ASAP1: variants seen among roughly 807,000 people sequenced by gnomAD.
ASAP1 encodes the protein ArfGAP with SH3 domain, ankyrin repeat and PH domain 1.
ASAP1 carries 43 observed loss-of-function variants against 145.2 expected under a neutral mutation model. The observed-to-expected ratio is 0.30, with a 90% CI of 0.23 to 0.38. ASAP1 has a LOEUF of 0.38. Ranked by LOEUF, ASAP1 falls within the 10% of genes least tolerant of loss-of-function variation. ASAP1 has a pLI of 1.00. For synonymous variants in ASAP1, 546 were observed against 515.5 expected, an observed-to-expected ratio of 1.06 and a Z score of -0.80; for missense variants, 1,018 against 1,355.3, an observed-to-expected ratio of 0.75 and a Z score of 3.91.
intron 3 of ASAP1, among the ~76,000 whole-genome samples, chr8:130,348,928 C>T (rs1319450221): frequency 6.6e-6 from 1 of 152,170 alleles, no homozygotes; most frequent in Non-Finnish European, 1.5e-5. Flanking sequence ...ACCCCAAAGC[C>T]CCAGCAAGAA....
chr8:130,347,665 C>A (rs1271730616), intron 3 of ASAP1, among the ~76,000 whole-genome samples: 3 of 152,148 alleles, frequency 2.0e-5, no homozygotes, highest in African/African-American at 7.2e-5. Context: ...CTCATCCTGG[C>A]CAAAGCTGAC....
In ASAP1 at chr8:130,079,856, G is replaced by C. The variant is rs377386876; in HGVS notation, c.2642+46C>G. The C allele has an allele frequency of 4.1e-5, 64 of 1,562,964 alleles. No individual in the cohort carries two copies. In the African/African-American group the frequency reaches 4.7e-4, roughly 12 times the overall value. The stretch of plus-strand genomic sequence containing the variant: ...ACTCATTTCTAGAATTCTGTCCATT[G>C]CATCAATGGATCCAACAGGGGAAAT... On this transcript the variant is annotated intron_variant, in intron 26 of 29. Transcript: ENST00000518721.
In ASAP1 at chr8:130,361,591, A is replaced by C; in HGVS notation, c.60-3448T>G. 2.9e-6 allele frequency: 3 copies of C among 1,030,598 alleles called. No individual in the cohort carries two copies. In the South Asian group the frequency reaches 4.1e-5, roughly 14 times the overall value. The allele number at this position is 1,030,598 out of a possible 1,614,324, so 63.8% of individuals were successfully genotyped here. ...CCAAGAAAGGAATATGCTCACAATG[A>C]GATATTGTGCTTTGGTAAGTATATA... On this transcript the variant is annotated intron_variant, in intron 2 of 29. Coordinates refer to ENST00000518721, the MANE Select transcript of ASAP1 (RefSeq NM_018482.4).
intron 25 of ASAP1, among the ~76,000 whole-genome samples, chr8:130,090,268 A>G (rs2097502771): frequency 7.6e-6 from 1 of 131,658 alleles, no homozygotes; most frequent in African/African-American, 4.1e-5. Flanking sequence ...CTTAAGAAAT[A>G]AAGCCACTTA....
intron 3 of ASAP1, among the ~76,000 whole-genome samples, chr8:130,277,459 AT>A (rs1245869102): frequency 6.6e-6 from 1 of 152,238 alleles, no homozygotes; most frequent in African/African-American, 2.4e-5. Context: ...CAAATTCAAA[AT>A]ATGAATTCCA....
chr8:130,176,168 G>C (rs1211214543), intron 9 of ASAP1, among the ~76,000 whole-genome samples: 1 of 152,202 alleles, frequency 6.6e-6, no homozygotes, highest in Non-Finnish European at 1.5e-5. Flanking sequence ...CCACACGGAA[G>C]TGTCGTGACT....
intron 4 of ASAP1, among the ~76,000 whole-genome samples, chr8:130,220,014 C>T (rs1396485952): frequency 6.6e-6 from 1 of 152,180 alleles, no homozygotes; most frequent in Non-Finnish European, 1.5e-5. Context: ...GTCTCCAACT[C>T]CTGGGCTCAT....
chr8:130,108,636 T>C (rs2097541419), intron 24 of ASAP1, among the ~76,000 whole-genome samples: 1 of 151,748 alleles, frequency 6.6e-6, no homozygotes, highest in African/African-American at 2.4e-5. Context: ...CTGTCCCTAC[T>C]AAAAATACAA....
intron 11 of ASAP1, among the ~76,000 whole-genome samples, chr8:130,163,878 T>G (rs531598198): frequency 7.2e-5 from 11 of 152,352 alleles, no homozygotes; most frequent in African/African-American, 2.4e-4. Flanking sequence ...ACAAATCACT[T>G]TCTTATTTGA....
intron 25 of ASAP1, chr8:130,082,635 C>G (rs2097483450): frequency 1.3e-5 from 2 of 151,348 alleles, no homozygotes; most frequent in Non-Finnish European, 2.9e-5. Context: ...TCCCAAGTAG[C>G]TAGGACTACA....
At chr8:130,169,292 T>C (rs1445100161) in intron 9 of ASAP1, among the ~76,000 whole-genome samples, 1 of 152,206 alleles carries the variant, frequency 6.6e-6, no homozygotes, top group East Asian at 1.9e-4. Flanking sequence ...TGGCTGTCAG[T>C]TGACATTTGA....
intron 3 of ASAP1, among the ~76,000 whole-genome samples, chr8:130,315,322 C>A (rs1212038222): frequency 2.0e-5 from 3 of 151,986 alleles, no homozygotes; most frequent in Non-Finnish European, 4.4e-5. Flanking sequence ...CAAGAGAGAT[C>A]ATATAACATA....
intron 1 of ASAP1, among the ~76,000 whole-genome samples, chr8:130,407,893 C>T (rs1468496164): frequency 6.6e-6 from 1 of 152,238 alleles, no homozygotes; most frequent in African/African-American, 2.4e-5. Flanking sequence ...CAGCTGGTTA[C>T]AGCTTGGACA....
intron 3 of ASAP1, among the ~76,000 whole-genome samples, chr8:130,302,717 G>A (rs534990653): frequency 2.0e-4 from 31 of 152,316 alleles, no homozygotes; most frequent in African/African-American, 7.0e-4. Context: ...TTAAACAAAC[G>A]GTTCTCTGGA....
chr8:130,099,721 C>T (rs143705290), intron 24 of ASAP1, among the ~76,000 whole-genome samples: 2,716 of 122,156 alleles, frequency 0.022, 41 homozygotes, highest in Middle Eastern at 0.092. Context: ...CTTGCTGTGT[C>T]GTCCAGGCTG....
chr8:130,405,892 A>C (rs1409687771), intron 1 of ASAP1, among the ~76,000 whole-genome samples: 3 of 152,262 alleles, frequency 2.0e-5, no homozygotes. Flanking sequence ...ATATTAAGGC[A>C]TAAAATTAAA....
In ASAP1 at chr8:130,405,760, G is replaced by A. The variant is rs367771492; in HGVS notation, c.-27-3790C>T. 6.6e-5 allele frequency among the ~76,000 whole-genome samples: 10 copies of A among 152,324 alleles called. No homozygotes were observed. The South Asian group carries it at 1.2e-3, about 19-fold the overall frequency. On this transcript the variant is annotated intron_variant, in intron 1 of 29. Coordinates refer to ENST00000518721, the MANE Select transcript of ASAP1 (RefSeq NM_018482.4). Reference sequence around the variant, plus strand: ...TAATTCGAAGTAGGTTAGCAGCTACGTCTATGTCCGTACCTCACCCACGGC... The same window carrying A: ...TAATTCGAAGTAGGTTAGCAGCTACATCTATGTCCGTACCTCACCCACGGC...
intron 7 of ASAP1, among the ~76,000 whole-genome samples, chr8:130,182,962 T>C (rs1814470032): frequency 6.8e-6 from 1 of 147,926 alleles, no homozygotes; most frequent in Non-Finnish European, 1.5e-5. Context: ...ATAATATAAA[T>C]AGAACAGAAA....
At chr8:130,262,961 A>T (rs1046086008) in intron 3 of ASAP1, among the ~76,000 whole-genome samples, 1 of 152,222 alleles carries the variant, frequency 6.6e-6, no homozygotes, top group African/African-American at 2.4e-5. Flanking sequence ...TCACTCCTCA[A>T]ATCAAAAGTT....
Sources: allele counts gnomAD v4.1 joint callset (sites outside exome capture counted in the v4.1 genomes callset), GRCh38; gene constraint gnomAD v4.1.1; transcripts MANE v1.5; gene names NCBI Gene and HGNC (gene_info 2026-07-23, HGNC 2026-07-21).